The following ROR2 variants were observed in gnomAD, a reference collection of about 807,000 sequenced individuals.
ROR2 encodes the protein tyrosine-protein kinase transmembrane receptor ROR2.
ROR2 carries 33 observed loss-of-function variants against 74.9 expected under a neutral mutation model. The observed-to-expected ratio is 0.44, with a 90% confidence interval of 0.33 to 0.59. The LOEUF is 0.59. Among genes scored for constraint, ROR2 ranks in the 20% least tolerant of loss-of-function variants. ROR2 has a pLI of 0.02. For missense variants in ROR2, 1,216 were observed against 1,313.8 expected (o/e 0.93, Z 1.15); for synonymous variants, 586 against 558.7 (o/e 1.05, Z -0.69).
intron 4 of ROR2, among the ~76,000 whole-genome samples, chr9:91,748,263 C>T (rs769174357): frequency 2.0e-5 from 3 of 149,766 alleles, no homozygotes; most frequent in Non-Finnish European, 3.0e-5. Flanking sequence ...GGCGAAAAAG[C>T]GAGACGCTGT....
At chr9:91,920,951 T>C (rs578090114) in intron 1 of ROR2, among the ~76,000 whole-genome samples, 5 of 152,366 alleles carry the variant, frequency 3.3e-5, no homozygotes, top group East Asian at 1.9e-4. Context: ...ATAACTCATA[T>C]TGAAACCAGC....
chr9:91,728,374 T>A (rs1837114795), intron 7 of ROR2, among the ~76,000 whole-genome samples: 1 of 152,204 alleles, frequency 6.6e-6, no homozygotes, highest in Non-Finnish European at 1.5e-5. Flanking sequence ...TTATATGGTT[T>A]TCTTAATTCG....
intron 1 of ROR2, among the ~76,000 whole-genome samples, chr9:91,922,115 CAACAACAACA>C (rs200083737): frequency 0.034 from 5,156 of 150,958 alleles, 111 homozygotes; most frequent in South Asian, 0.068. Flanking sequence ...ACAACAACAA[CAACAACAACA>C]AACAACAACA....
chr9:91,890,853 T>C (rs937260932), intron 1 of ROR2, among the ~76,000 whole-genome samples: 3 of 152,220 alleles, frequency 2.0e-5, no homozygotes, highest in African/African-American at 4.8e-5. Flanking sequence ...TAGGCCTATT[T>C]TGCTAATGTC....
intron 1 of ROR2, among the ~76,000 whole-genome samples, chr9:91,885,608 C>T (rs565613536): frequency 3.3e-5 from 5 of 152,192 alleles, no homozygotes; most frequent in African/African-American, 1.2e-4. Context: ...TGCTGGTCCC[C>T]GCCAAAATGT....
chr9:91,893,069 AC>A (rs1409449288), intron 1 of ROR2, among the ~76,000 whole-genome samples: 2 of 152,194 alleles, frequency 1.3e-5, no homozygotes, highest in African/African-American at 4.8e-5. Flanking sequence ...CTGCAAGGGG[AC>A]ACTGAGTCAG....
chr9:91,810,086 C>T (rs1302697334), intron 1 of ROR2, among the ~76,000 whole-genome samples: 1 of 152,278 alleles, frequency 6.6e-6, no homozygotes, highest in Non-Finnish European at 1.5e-5. Flanking sequence ...GGCAAGACAG[C>T]AGGCACAGGG....
Position 91,852,798 on chromosome 9 carries a change from G to A in ROR2, c.98-76980C>T, listed in dbSNP as rs867327215. Among the ~76,000 whole-genome samples the A allele has an allele frequency of 4.6e-5, 7 of 152,240 alleles. No homozygotes were observed. The South Asian group carries it at 8.3e-4, about 18-fold the overall frequency. On this transcript the variant is annotated intron_variant, in intron 1 of 8. Coordinates refer to ENST00000375708, the MANE Select transcript of ROR2 (RefSeq NM_004560.4). ...GGATGCCTATAGGAAAATGGACCAAGAACTTGGGGGATTCCCCTTCTGAAG... is the reference window on the plus strand; with the variant it reads ...GGATGCCTATAGGAAAATGGACCAAAAACTTGGGGGATTCCCCTTCTGAAG...
chr9:91,936,220 G>GC (rs1831685478), intron 1 of ROR2, among the ~76,000 whole-genome samples: 1 of 152,232 alleles, frequency 6.6e-6, no homozygotes, highest in South Asian at 2.1e-4. Flanking sequence ...ATGGGTGGAT[G>GC]CGTGTGTTAG....
intron 1 of ROR2, among the ~76,000 whole-genome samples, chr9:91,884,515 C>T (rs10820911): frequency 0.42 from 63,769 of 150,204 alleles, 15,054 homozygotes; most frequent in African/African-American, 0.62. Flanking sequence ...CTTCTAGGTA[C>T]AGAAATTCTG....
At chr9:91,785,659 G>C (rs1826772715) in intron 1 of ROR2, among the ~76,000 whole-genome samples, 2 of 152,220 alleles carry the variant, frequency 1.3e-5, no homozygotes, top group African/African-American at 4.8e-5. Flanking sequence ...TCCAGATGTG[G>C]GGTGGTGCCT....
intron 1 of ROR2, among the ~76,000 whole-genome samples, chr9:91,815,920 G>A (rs1412940902): frequency 1.3e-5 from 2 of 152,090 alleles, no homozygotes; most frequent in Non-Finnish European, 2.9e-5. Context: ...GCACAAACTC[G>A]GCCTGCCCCA....
intron 4 of ROR2, among the ~76,000 whole-genome samples, chr9:91,743,769 A>C (rs1430099455): frequency 1.3e-5 from 2 of 152,206 alleles, no homozygotes; most frequent in Non-Finnish European, 2.9e-5. Context: ...GGGTTAATTT[A>C]ATGCCACTGC....
At chr9:91,774,445 A>G (rs1826348285) in intron 2 of ROR2, among the ~76,000 whole-genome samples, 2 of 152,172 alleles carry the variant, frequency 1.3e-5, no homozygotes, top group African/African-American at 4.8e-5. Context: ...CTATCCCTCA[A>G]TGTGATGATA....
At chr9:91,904,362 G>A (rs1830757310) in intron 1 of ROR2, among the ~76,000 whole-genome samples, 1 of 152,168 alleles carries the variant, frequency 6.6e-6, no homozygotes, top group South Asian at 2.1e-4. Context: ...TTAGCGGGTG[G>A]AGCCCACTGC....
At position 91,733,574 on chromosome 9, in the gene ROR2, C is replaced by T; in HGVS notation, c.623-138G>A. The T allele has an allele frequency of 1.1e-6, 1 of 872,196 alleles. No individual in the cohort carries two copies. Among genetic ancestry groups the T allele is most frequent in the Non-Finnish European group, 1.7e-6 (1 of 589,306 alleles). The allele number at this position is 872,196 out of a possible 1,614,324, so 54.0% of individuals were successfully genotyped here. On this transcript the variant is annotated intron_variant, in intron 5 of 8. Coordinates refer to ENST00000375708, the MANE Select transcript of ROR2 (RefSeq NM_004560.4). This position sits in a 1 kb window ranked among gnomAD's most constrained non-coding sequence, Gnocchi z 5.7. Reference sequence around the variant, plus strand: ...CCCCGCCCCGCCCCAGACTCCCCAACCCCGAGCCCCGCACACCACCCTGGA... The same window carrying T: ...CCCCGCCCCGCCCCAGACTCCCCAATCCCGAGCCCCGCACACCACCCTGGA...
chr9:91,740,866 A>G (rs1050276875), intron 4 of ROR2, among the ~76,000 whole-genome samples: 1 of 152,088 alleles, frequency 6.6e-6, no homozygotes, highest in African/African-American at 2.4e-5. Context: ...CAGCTGGTGG[A>G]GCATCCACGT....
At chr9:91,882,473 G>C (rs369242640) in intron 1 of ROR2, among the ~76,000 whole-genome samples, 11 of 151,312 alleles carry the variant, frequency 7.3e-5, no homozygotes, top group African/African-American at 2.7e-4. Context: ...GCTGGAAGGT[G>C]GTCTCCAATT....
chr9:91,770,242 T>C (rs1409054516), intron 2 of ROR2, among the ~76,000 whole-genome samples: 1 of 152,218 alleles, frequency 6.6e-6, no homozygotes, highest in East Asian at 1.9e-4. Flanking sequence ...GGGTATCTGG[T>C]AAACCTAAGC....
Sources: gnomAD v4.1 joint callset for allele counts (sites outside exome capture counted in the v4.1 genomes callset) on GRCh38, gnomAD v4.1.1 for gene constraint, Gnocchi (gnomAD v3.1) non-coding constraint, MANE v1.5 for transcripts, NCBI Gene and HGNC (gene_info 2026-07-23, HGNC 2026-07-21) for gene names.